LUZP2: variants seen among roughly 807,000 people sequenced by gnomAD.
The protein encoded by LUZP2 is leucine zipper protein 2.
LUZP2 carries 52 observed loss-of-function variants against 51.6 expected under a neutral mutation model. The ratio of observed to expected loss-of-function variants is 1.01; its 90% CI spans 0.81 to 1.27. The LOEUF (loss-of-function observed/expected upper bound fraction) is 1.27, where lower values mean the gene tolerates loss of function less well. Among genes scored for constraint, LUZP2 ranks in the 50% most tolerant of loss-of-function variants. The pLI, the probability that LUZP2 is intolerant of heterozygous loss-of-function variation, is 0.00. For missense variants in LUZP2, 436 were observed against 395.4 expected, an observed-to-expected ratio of 1.10 and a Z score of -0.87; for synonymous variants, 154 against 137.3, an observed-to-expected ratio of 1.12 and a Z score of -0.85.
intron 9 of LUZP2, among the ~76,000 whole-genome samples, chr11:25,039,787 A>T (rs927090921): frequency 2.0e-5 from 3 of 152,188 alleles, no homozygotes; most frequent in East Asian, 3.9e-4. Flanking sequence ...TGTAATTTTT[A>T]AAATTTTTTA....
chr11:24,993,917 G>A (rs1182997536), intron 9 of LUZP2, among the ~76,000 whole-genome samples: 1 of 152,140 alleles, frequency 6.6e-6, no homozygotes, highest in Non-Finnish European at 1.5e-5. Context: ...CTGGAGTGCA[G>A]TGGTGCAAAC....
At chr11:24,663,419 C>A (rs1053499885) in intron 1 of LUZP2, among the ~76,000 whole-genome samples, 3 of 152,106 alleles carry the variant, frequency 2.0e-5, no homozygotes, top group Admixed American at 2.0e-4. Flanking sequence ...TCCTGTATAG[C>A]CTGTGGAACT....
chr11:24,635,706 A>G (rs1855075762), intron 1 of LUZP2, among the ~76,000 whole-genome samples: 1 of 152,140 alleles, frequency 6.6e-6, no homozygotes, highest in African/African-American at 2.4e-5. Context: ...TGAAATTTGG[A>G]GAGAAAAGAA....
At chr11:24,992,660 C>T (rs1017371963) in intron 9 of LUZP2, among the ~76,000 whole-genome samples, 4 of 152,040 alleles carry the variant, frequency 2.6e-5, no homozygotes, top group African/African-American at 9.7e-5. Flanking sequence ...GCTCCCAATA[C>T]CTAAAAATTT....
intron 1 of LUZP2, among the ~76,000 whole-genome samples, chr11:24,568,339 G>A (rs1015708653): frequency 1.6e-5 from 2 of 128,730 alleles, no homozygotes; most frequent in Non-Finnish European, 3.2e-5. Context: ...GGCTGACAGA[G>A]TGAGAATCTG....
chr11:25,036,935 G>T (rs1391701702), intron 9 of LUZP2, among the ~76,000 whole-genome samples: 1 of 152,104 alleles, frequency 6.6e-6, no homozygotes, highest in Non-Finnish European at 1.5e-5. Flanking sequence ...TCCTATGGTT[G>T]TTGAGTGGAG....
intron 9 of LUZP2, among the ~76,000 whole-genome samples, chr11:25,047,331 AT>A (rs1222606224): frequency 0.014 from 93 of 6,480 alleles, no homozygotes; most frequent in Admixed American, 0.027. Flanking sequence ...TATTGTTTTT[AT>A]TTTTTTTATT....
intron 9 of LUZP2, among the ~76,000 whole-genome samples, chr11:25,049,737 TA>T (rs2134021011): frequency 6.6e-6 from 1 of 151,436 alleles, no homozygotes; most frequent in East Asian, 2.1e-4. Flanking sequence ...CTAGAATCCT[TA>T]AAATAAAATC....
At chr11:25,075,701 G>A (rs1196655380) in intron 10 of LUZP2, among the ~76,000 whole-genome samples, 1 of 152,092 alleles carries the variant, frequency 6.6e-6, no homozygotes, top group Non-Finnish European at 1.5e-5. Context: ...CTGGTTTTCA[G>A]GGGCCTGCAG....
chr11:24,976,815 G>A (rs1265064620), intron 8 of LUZP2, 150 bp downstream of exon 8: 1 of 485,278 alleles, frequency 2.1e-6, no homozygotes, highest in East Asian at 3.6e-5. Context: ...ATTCAGGAAG[G>A]TTTGATATCT....
intron 5 of LUZP2, among the ~76,000 whole-genome samples, chr11:24,834,154 T>C (rs1355793847): frequency 6.6e-6 from 1 of 152,122 alleles, no homozygotes; most frequent in Non-Finnish European, 1.5e-5. Context: ...GGTATACATG[T>C]GCTATGGTGG....
chr11:25,027,181 C>A (rs1341417300), intron 9 of LUZP2, among the ~76,000 whole-genome samples: 2 of 151,948 alleles, frequency 1.3e-5, no homozygotes, highest in Admixed American at 6.6e-5. Context: ...GCTAAATTAG[C>A]TCCTCTAATG....
Position 24,971,616 on chromosome 11 carries a change from C to T in LUZP2, c.523-4975C>T, listed in dbSNP as rs188800579. ...CGCATGTAACAAATCTGCACACGTA[C>T]GCCCTGTATCTAAAATAGAAGTTTT... On this transcript the variant is annotated intron_variant, in intron 7 of 11. Transcript: ENST00000336930. Among the ~76,000 whole-genome samples, 60 of 152,016 alleles carry T rather than the reference C, an allele frequency of 3.9e-4. 1 individual carries two copies. The highest frequency in any genetic ancestry group is 1.1e-3 in the African/African-American group (44 of 41,468).
At chr11:25,011,219 A>G (rs940264527) in intron 9 of LUZP2, among the ~76,000 whole-genome samples, 10 of 152,218 alleles carry the variant, frequency 6.6e-5, no homozygotes, top group Non-Finnish European at 1.3e-4. Context: ...TAATGAATGA[A>G]TGATCTGAGA....
chr11:24,652,793 GT>G (rs1855669460), intron 1 of LUZP2, among the ~76,000 whole-genome samples: 1 of 151,988 alleles, frequency 6.6e-6, no homozygotes, highest in Admixed American at 6.6e-5. Flanking sequence ...GAATGATGCT[GT>G]ATGCATTTTG....
intron 5 of LUZP2, among the ~76,000 whole-genome samples, chr11:24,809,179 T>C (rs555165869): frequency 5.3e-5 from 8 of 152,276 alleles, no homozygotes; most frequent in African/African-American, 1.4e-4. Context: ...TGTATGATTC[T>C]AAAAATGTTT....
chr11:25,072,110 T>C (rs1394356659), intron 10 of LUZP2, among the ~76,000 whole-genome samples: 2 of 152,072 alleles, frequency 1.3e-5, no homozygotes, highest in Non-Finnish European at 2.9e-5. Flanking sequence ...CCCTGATAGA[T>C]AATTAGTAGG....
intron 9 of LUZP2, among the ~76,000 whole-genome samples, chr11:25,016,162 C>T (rs934106563): frequency 8.6e-5 from 13 of 152,032 alleles, no homozygotes; most frequent in Admixed American, 2.6e-4. Context: ...CCTCATGATC[C>T]GCCCACTTCG....
intron 8 of LUZP2, among the ~76,000 whole-genome samples, chr11:24,977,554 T>C (rs916220450): frequency 6.6e-6 from 1 of 151,676 alleles, no homozygotes; most frequent in Non-Finnish European, 1.5e-5. Context: ...CCAATAATTG[T>C]ACATATACAA....
Sources: allele counts gnomAD v4.1 joint callset (sites outside exome capture counted in the v4.1 genomes callset), GRCh38; gene constraint gnomAD v4.1.1; transcripts MANE v1.5; gene names NCBI Gene and HGNC (gene_info 2026-07-23, HGNC 2026-07-21).